STK24: variants seen among roughly 807,000 people sequenced by gnomAD.
The protein encoded by STK24 is serine/threonine-protein kinase 24.
Under a neutral mutation model 55.6 loss-of-function variants are expected in STK24, and 21 were observed. The observed-to-expected ratio is 0.38, with a 90% CI of 0.27 to 0.54. The LOEUF is 0.54. Among genes scored for constraint, STK24 ranks in the 20% least tolerant of loss-of-function variants. STK24 has a pLI of 0.79. For missense variants in STK24, 383 were observed against 538.4 expected, an observed-to-expected ratio of 0.71 and a Z score of 2.86; for synonymous variants, 200 against 215.2, an observed-to-expected ratio of 0.93 and a Z score of 0.62.
chr13:98,536,359 T>C (rs1896735829), intron 1 of STK24, among the ~76,000 whole-genome samples: 2 of 148,764 alleles, frequency 1.3e-5, no homozygotes, highest in African/African-American at 5.0e-5. Flanking sequence ...TCTTCTTCTA[T>C]CTTTTTTTTT....
Position 98,445,281 on chromosome 13 carries a change from C to CT in STK24, c.*7891dup, listed in dbSNP as rs1222871946. 22 of 152,274 alleles carry CT rather than the reference C, an allele frequency of 1.4e-4. No individual in the cohort carries two copies. Among genetic ancestry groups the CT allele is most frequent in the Admixed American group, 1.4e-3 (22 of 15,282 alleles). 9.4% of individuals were successfully genotyped at this position (152,274 alleles called of 1,614,324 possible). On this transcript the variant is annotated 3_prime_UTR_variant, in exon 11 of 11. Transcript: ENST00000539966. ...GGAACAATTCAGTGGCATTAAGTGCCTTTACAAGGTGGTGCAACTGCTTTG... is the reference window on the plus strand; with the variant it reads ...GGAACAATTCAGTGGCATTAAGTGCCTTTTACAAGGTGGTGCAACTGCTTTG...
chr13:98,576,465 C>T (rs76533572), intron 1 of STK24, among the ~76,000 whole-genome samples: 25,688 of 152,030 alleles, frequency 0.17, 2,234 homozygotes, highest in African/African-American at 0.19. Context: ...AGTGTTGGGG[C>T]GAGGGGAGCG....
Position 98,525,510 on chromosome 13 carries a change from G to A in STK24, c.43-6037C>T, listed in dbSNP as rs1021562997. Among the ~76,000 whole-genome samples the A allele has an allele frequency of 1.9e-4, 29 of 152,210 alleles. 1 individual carries two copies. Among genetic ancestry groups the A allele is most frequent in the Non-Finnish European group, 2.5e-4 (17 of 68,034 alleles). On this transcript the variant is annotated intron_variant, in intron 1 of 10. Coordinates refer to ENST00000539966, the MANE Select transcript of STK24 (RefSeq NM_001032296.4). ...AAGACTAGGGGATGGGGGCGGGGAT[G>A]GGAGCAGCCTGCACACAGCACCCCC...
intron 1 of STK24, among the ~76,000 whole-genome samples, chr13:98,546,690 C>G (rs971537648): frequency 6.6e-6 from 1 of 152,140 alleles, no homozygotes; most frequent in African/African-American, 2.4e-5. Flanking sequence ...GCCCCTATCA[C>G]GGAAAGTCAA....
At chr13:98,555,548 CAG>C (rs1208057354) in intron 1 of STK24, among the ~76,000 whole-genome samples, 1 of 151,742 alleles carries the variant, frequency 6.6e-6, no homozygotes, top group Non-Finnish European at 1.5e-5. Context: ...CACTGCACTC[CAG>C]CCTGGGCGAC....
intron 1 of STK24, among the ~76,000 whole-genome samples, chr13:98,565,946 C>G (rs1319824195): frequency 6.6e-6 from 1 of 152,254 alleles, no homozygotes; most frequent in East Asian, 1.9e-4. Flanking sequence ...AGTGCCAGCC[C>G]GGTGGGCTGA....
intron 1 of STK24, among the ~76,000 whole-genome samples, chr13:98,574,610 T>C (rs1292270969): frequency 1.3e-5 from 2 of 152,240 alleles, no homozygotes; most frequent in Non-Finnish European, 2.9e-5. Context: ...GTAGATGTAC[T>C]TAGGTACAGG....
At chr13:98,537,034 G>T (rs74707977) in intron 1 of STK24, among the ~76,000 whole-genome samples, 3 of 152,336 alleles carry the variant, frequency 2.0e-5, no homozygotes, top group African/African-American at 7.2e-5. Context: ...CGCCTCCAAA[G>T]ATGAGAAGGG....
chr13:98,542,579 C>G (rs1490671860), intron 1 of STK24, among the ~76,000 whole-genome samples: 2 of 152,118 alleles, frequency 1.3e-5, no homozygotes, highest in African/African-American at 4.8e-5. Context: ...AAATGGCTTC[C>G]TAGACCCAAG....
At position 98,449,557 on chromosome 13, in the gene STK24, GCACCTGCC is replaced by G. The variant is rs553542990; in HGVS notation, c.*3608_*3615del. The G allele has an allele frequency of 2.0e-5, 3 of 152,722 alleles. No individual in the cohort carries two copies. The highest frequency in any genetic ancestry group is 7.2e-5 in the African/African-American group (3 of 41,538). The allele number at this position is 152,722 out of a possible 1,614,324, so 9.5% of individuals were successfully genotyped here. A position where few individuals can be genotyped will look rare whatever the true frequency, so the allele number is the denominator to read the frequency against. The stretch of plus-strand genomic sequence containing the variant: ...ATTCTTTCCAGCGCCCCGCACCATA[GCACCTGCC>G]CACCTGAGAACCAGGAACGCACCCT... On this transcript the variant is annotated 3_prime_UTR_variant, in exon 11 of 11. Coordinates refer to ENST00000539966, the MANE Select transcript of STK24 (RefSeq NM_001032296.4).
In STK24 at chr13:98,456,462, G is replaced by A. The variant is rs566789386; in HGVS notation, c.1259+706C>T. ...ACAGCCCAGTGACAAATCACCCTCA[G>A]GTCACACAGAGCGGCTTCCCAGCAC... On this transcript the variant is annotated intron_variant, in intron 10 of 10. Coordinates refer to ENST00000539966, the MANE Select transcript of STK24 (RefSeq NM_001032296.4). The A allele has an allele frequency of 4.6e-5, 23 of 504,660 alleles. No individual in the cohort carries two copies. In the East Asian group the frequency reaches 1.3e-3, roughly 28 times the overall value. 31.3% of individuals were successfully genotyped at this position (504,660 alleles called of 1,614,324 possible).
At chr13:98,505,955 C>A (rs113831519) in intron 2 of STK24, among the ~76,000 whole-genome samples, 34 of 152,248 alleles carry the variant, frequency 2.2e-4, no homozygotes, top group African/African-American at 7.2e-4. Context: ...ACAAAAAAAT[C>A]TTTTCATGAA....
At chr13:98,544,216 G>A (rs896487559) in intron 1 of STK24, among the ~76,000 whole-genome samples, 1 of 152,332 alleles carries the variant, frequency 6.6e-6, no homozygotes, top group African/African-American at 2.4e-5. Context: ...GCCCCAGGCT[G>A]AGGCGACAAC....
intron 8 of STK24, 110 bp downstream of exon 8, chr13:98,461,664 C>G (rs960790699): frequency 2.7e-6 from 4 of 1,476,656 alleles, no homozygotes; most frequent in African/African-American, 2.8e-5. Context: ...AATTCCAGGA[C>G]AGCTGCCACA....
intron 2 of STK24, among the ~76,000 whole-genome samples, chr13:98,511,875 T>C (rs1449854477): frequency 2.6e-5 from 4 of 151,384 alleles, no homozygotes; most frequent in Non-Finnish European, 1.5e-5. Flanking sequence ...CATAGGACTA[T>C]ACATCCAAGA....
At chr13:98,515,973 C>T (rs1410492815) in intron 2 of STK24, among the ~76,000 whole-genome samples, 2 of 152,170 alleles carry the variant, frequency 1.3e-5, no homozygotes, top group African/African-American at 4.8e-5. Flanking sequence ...CAGCTCTGTG[C>T]CAAAGACCCA....
chr13:98,494,618 T>C (rs1392808969), intron 2 of STK24, among the ~76,000 whole-genome samples: 4 of 152,178 alleles, frequency 2.6e-5, no homozygotes, highest in Admixed American at 6.5e-5. Context: ...CAACGCTTGA[T>C]TGTCCTGAGG....
chr13:98,483,120 C>T (rs1894664022), intron 2 of STK24, among the ~76,000 whole-genome samples: 1 of 152,248 alleles, frequency 6.6e-6, no homozygotes, highest in African/African-American at 2.4e-5. Flanking sequence ...AACCTGTCCG[C>T]CCTCCTTGGG....
chr13:98,446,083 C>T lies in STK24; in HGVS notation c.*7090G>A. ...GGTGCCCGCTGTGCTTCTCACAGGC[C>T]TCCTTGCCTTTCAGAATCAGTTGTC... is the stretch of plus-strand genomic sequence containing the variant. On this transcript the variant is annotated 3_prime_UTR_variant, in exon 11 of 11. Transcript: ENST00000539966. 6.3e-7 allele frequency: 1 copy of T among 1,588,976 alleles called. No homozygotes were observed. The highest frequency in any genetic ancestry group is 8.6e-7 in the Non-Finnish European group (1 of 1,157,274).
Sources: gnomAD v4.1 joint callset for allele counts (sites outside exome capture counted in the v4.1 genomes callset) on GRCh38, gnomAD v4.1.1 for gene constraint, MANE v1.5 for transcripts, NCBI Gene and HGNC (gene_info 2026-07-23, HGNC 2026-07-21) for gene names.